Variants in POC1B observed in about 807,000 individuals in gnomAD.
POC1B encodes the protein POC1 centriolar protein homolog B.
A neutral mutation model predicts 60.6 loss-of-function variants in POC1B; 44 were observed. The ratio of observed to expected loss-of-function variants is 0.73; its 90% CI spans 0.57 to 0.93. The LOEUF is 0.93. POC1B is among the 40% of genes least tolerant of loss of function. POC1B has a pLI of 0.00. For missense variants in POC1B, 555 were observed against 572.3 expected (o/e 0.97, Z 0.31); for synonymous variants, 180 against 198.9 (o/e 0.90, Z 0.80).
chr12:89,519,274 T>C (rs1201507923), intron 2 of POC1B: 1 of 152,180 alleles, frequency 6.6e-6, no homozygotes, highest in Admixed American at 6.5e-5. Context: ...TAAAATAATA[T>C]GGGAATTTTG....
intron 2 of POC1B, among the ~76,000 whole-genome samples, chr12:89,499,187 G>C (rs533317990): frequency 1.3e-5 from 2 of 152,274 alleles, no homozygotes; most frequent in African/African-American, 4.8e-5. Flanking sequence ...AAGCCATGGT[G>C]GGAGGTGTGT....
Position 89,435,179 on chromosome 12 carries a change from CTT to C in POC1B, c.1114-9802_1114-9801del, listed in dbSNP as rs56061239. Among the ~76,000 whole-genome samples, 768 of 113,510 alleles carry C rather than the reference CTT, an allele frequency of 6.8e-3. 6 individuals carry two copies. Among genetic ancestry groups the C allele is most frequent in the African/African-American group, 0.016 (491 of 30,678 alleles). 74.5% of individuals were successfully genotyped at this position (113,510 alleles called of 152,430 possible). A position where few individuals can be genotyped will look rare whatever the true frequency, so the allele number is the denominator to read the frequency against. On this transcript the variant is annotated intron_variant, in intron 10 of 11. Transcript: ENST00000313546. ...AAAAATCTCCAGGAAGAATGACATT[CTT>C]TTTTTTTTTTTTTTTTTGAGATGGA... is the stretch of plus-strand genomic sequence containing the variant.
At chr12:89,487,965 A>T (rs959095752) in intron 4 of POC1B, among the ~76,000 whole-genome samples, 3 of 152,090 alleles carry the variant, frequency 2.0e-5, no homozygotes, top group Admixed American at 1.3e-4. Context: ...CCACTGAAGT[A>T]ACTGTCGGCT....
chr12:89,468,496 C>A (rs994826764), intron 7 of POC1B, among the ~76,000 whole-genome samples: 2 of 152,108 alleles, frequency 1.3e-5, no homozygotes, highest in African/African-American at 4.8e-5. Flanking sequence ...TGTATTTTCC[C>A]AAGTAGACTA....
At chr12:89,523,236 T>C in intron 2 of POC1B, 1 of 1,614,048 alleles carries the variant, frequency 6.2e-7, no homozygotes, top group Non-Finnish European at 8.5e-7. Flanking sequence ...GTCTATCCTC[T>C]GGAACATGTA....
intron 11 of POC1B, among the ~76,000 whole-genome samples, chr12:89,424,799 G>A (rs1173857146): frequency 6.6e-6 from 1 of 152,044 alleles, no homozygotes; most frequent in Non-Finnish European, 1.5e-5. Flanking sequence ...AGAGGCTTTG[G>A]GATAAGAGAA....
chr12:89,489,549 T>C (rs1868839156), intron 4 of POC1B, among the ~76,000 whole-genome samples: 1 of 152,220 alleles, frequency 6.6e-6, no homozygotes, highest in African/African-American at 2.4e-5. Flanking sequence ...CTCATGGCCA[T>C]AGGTGATAAT....
intron 10 of POC1B, among the ~76,000 whole-genome samples, chr12:89,441,174 C>T (rs1302138400): frequency 2.6e-5 from 4 of 152,226 alleles, no homozygotes; most frequent in African/African-American, 9.6e-5. Context: ...CCTCTGTAGA[C>T]TTCACCTCTG....
chr12:89,516,597 C>A (rs1434629484), intron 2 of POC1B, among the ~76,000 whole-genome samples: 1 of 152,132 alleles, frequency 6.6e-6, no homozygotes, highest in Admixed American at 6.5e-5. Context: ...CAATTTCCAC[C>A]ACTCTCAGAA....
At chr12:89,436,554 A>T (rs1287174031) in intron 10 of POC1B, among the ~76,000 whole-genome samples, 1 of 152,112 alleles carries the variant, frequency 6.6e-6, no homozygotes, top group Non-Finnish European at 1.5e-5. Flanking sequence ...TCTCTACTAA[A>T]AATACAAAAA....
At chr12:89,449,226 G>C (rs1345519177) in intron 10 of POC1B, among the ~76,000 whole-genome samples, 1 of 152,160 alleles carries the variant, frequency 6.6e-6, no homozygotes. Flanking sequence ...CTGTGTGTCT[G>C]TGAGGAAGTT....
At chr12:89,524,827 A>T in intron 2 of POC1B, 1 of 614,218 alleles carries the variant, frequency 1.6e-6, no homozygotes, top group South Asian at 2.0e-5. Flanking sequence ...CCCCGGGCCG[A>T]GGAGAAACCC....
the POC1B span, among the ~76,000 whole-genome samples, chr12:89,409,963 G>A: frequency 6.6e-6 from 1 of 152,170 alleles, no homozygotes; most frequent in East Asian, 1.9e-4. Context: ...TATGAGGCCA[G>A]CATCATCCTA....
intron 1 of POC1B, 81 bp from the exon 2 acceptor site, chr12:89,525,285 C>T: frequency 6.6e-7 from 1 of 1,512,370 alleles, no homozygotes; most frequent in Middle Eastern, 2.5e-4. Context: ...GCCACTTCCC[C>T]GGAGTCCGGC....
At chr12:89,522,695 C>G in intron 2 of POC1B, 2 of 1,354,420 alleles carry the variant, frequency 1.5e-6, no homozygotes, top group Non-Finnish European at 2.0e-6. Flanking sequence ...TTCCAGTGCT[C>G]CACAGATGAC....
chr12:89,456,338 A>G (rs1270790360), intron 10 of POC1B, among the ~76,000 whole-genome samples: 5 of 152,120 alleles, frequency 3.3e-5, no homozygotes. Context: ...AACTCTTTAT[A>G]TTAGGATACA....
intron 2 of POC1B, among the ~76,000 whole-genome samples, chr12:89,516,286 T>C (rs1870436888): frequency 6.6e-6 from 1 of 152,230 alleles, no homozygotes; most frequent in Non-Finnish European, 1.5e-5. Flanking sequence ...AGGTTGGATA[T>C]CTTCAATATT....
intron 11 of POC1B, among the ~76,000 whole-genome samples, chr12:89,424,819 T>C (rs1407753432): frequency 6.6e-6 from 1 of 152,226 alleles, no homozygotes; most frequent in Non-Finnish European, 1.5e-5. Context: ...AGTTAAATAC[T>C]GGACAGTGAG....
intron 2 of POC1B, chr12:89,499,962 C>G (rs1359397144): frequency 3.1e-6 from 2 of 648,220 alleles, no homozygotes; most frequent in African/African-American, 3.7e-5. Context: ...GCGGCCATCG[C>G]CTTCGACTTA....
Sources: gnomAD v4.1 joint callset for allele counts (sites outside exome capture counted in the v4.1 genomes callset) on GRCh38, gnomAD v4.1.1 for gene constraint, MANE v1.5 for transcripts, NCBI Gene and HGNC (gene_info 2026-07-23, HGNC 2026-07-21) for gene names.